Variants in SBF2 observed in about 807,000 individuals in gnomAD.
The protein encoded by SBF2 is SET binding factor 2.
Under a neutral mutation model 225.2 loss-of-function variants are expected in SBF2, and 112 were observed. The ratio of observed to expected loss-of-function variants is 0.50; its 90% CI spans 0.43 to 0.58. The LOEUF (loss-of-function observed/expected upper bound fraction) is 0.58. Ranked by LOEUF, SBF2 falls within the 20% of genes least tolerant of loss-of-function variation. The pLI, the probability that SBF2 is intolerant of heterozygous loss-of-function variation, is 0.00. For synonymous variants in SBF2, 763 were observed against 773.3 expected, an observed-to-expected ratio of 0.99 and a Z score of 0.22; for missense variants, 1,996 against 2,206.2, an observed-to-expected ratio of 0.90 and a Z score of 1.91.
Position 10,002,629 on chromosome 11 carries a change from T to C in SBF2, c.680A>G (p.His227Arg). 3 of 1,612,884 alleles carry C rather than the reference T, an allele frequency of 1.9e-6. No individual in the cohort carries two copies. The highest frequency in any genetic ancestry group is 2.5e-6 in the Non-Finnish European group (3 of 1,178,972). ...ACTAAGTCTCTGGAAACTTGCAGAA[T>C]GGAAGAGAACCTTATTTTCTGTGAG... ...AVLTENKVLF[H>R]SASFQRLSDA... The change falls in exon 7 of 40, where the codon CAT (histidine) becomes CGT (arginine). Residue 227 changes from histidine (H) to arginine (R), a missense_variant. Physicochemically the swap from His to Arg is conservative, Grantham distance 29. Transcript: ENST00000256190.
chr11:9,831,155 G>A (rs1320603222), intron 27 of SBF2, among the ~76,000 whole-genome samples: 2 of 151,942 alleles, frequency 1.3e-5, no homozygotes, highest in African/African-American at 4.8e-5. Flanking sequence ...GTGCCACCAC[G>A]CCTGGCTAAT....
At chr11:9,971,301 TTA>T (rs971662550) in intron 13 of SBF2, among the ~76,000 whole-genome samples, 3 of 151,956 alleles carry the variant, frequency 2.0e-5, no homozygotes, top group Non-Finnish European at 4.4e-5. Context: ...TTTTTTCTAG[TTA>T]TATATATATA....
chr11:10,117,651 T>A (rs999889400), intron 2 of SBF2, among the ~76,000 whole-genome samples: 1 of 152,026 alleles, frequency 6.6e-6, no homozygotes, highest in Non-Finnish European at 1.5e-5. Context: ...TTAGGTGTGA[T>A]TATTGGGAGC....
chr11:10,130,026 A>G (rs2135091438), intron 2 of SBF2, among the ~76,000 whole-genome samples: 1 of 152,074 alleles, frequency 6.6e-6, no homozygotes, highest in African/African-American at 2.4e-5. Context: ...ATTAAAAAAG[A>G]AAAAACCAAA....
upstream of SBF2, among the ~76,000 whole-genome samples, chr11:10,299,131 G>A (rs113526147): frequency 1.2e-3 from 185 of 152,226 alleles, 1 homozygote; most frequent in Middle Eastern, 6.8e-3. Context: ...GAGGTCAGCA[G>A]ATCGAGATCA....
chr11:9,854,024 A>G (rs371401283), intron 19 of SBF2, among the ~76,000 whole-genome samples: 1 of 152,192 alleles, frequency 6.6e-6, no homozygotes, highest in African/African-American at 2.4e-5. Flanking sequence ...AAATAAAGCA[A>G]AAGAGGATTT....
chr11:10,179,599 C>T (rs1165302457), intron 2 of SBF2, among the ~76,000 whole-genome samples: 2 of 152,066 alleles, frequency 1.3e-5, no homozygotes, highest in East Asian at 3.9e-4. Context: ...CTCGATCTGT[C>T]CAATGCTGAA....
At chr11:10,059,860 C>A (rs967325351) in intron 2 of SBF2, among the ~76,000 whole-genome samples, 1 of 152,104 alleles carries the variant, frequency 6.6e-6, no homozygotes, top group Admixed American at 6.5e-5. Context: ...ATACCAGAAT[C>A]TCTGGGACAC....
intron 6 of SBF2, among the ~76,000 whole-genome samples, chr11:10,017,267 T>A (rs1948691431): frequency 6.6e-6 from 1 of 152,242 alleles, no homozygotes; most frequent in South Asian, 2.1e-4. Flanking sequence ...AATAGAAGAC[T>A]ATGTCTCAGC....
At chr11:9,809,058 C>CAG in intron 30 of SBF2, 56 bp from the exon 31 acceptor site, 1 of 1,326,936 alleles carries the variant, frequency 7.5e-7, no homozygotes, top group Non-Finnish European at 1.1e-6. Flanking sequence ...GTGCAGAAGT[C>CAG]AGAGAGAGTT....
At chr11:9,888,557 G>A (rs1462771251) in intron 17 of SBF2, among the ~76,000 whole-genome samples, 1 of 151,672 alleles carries the variant, frequency 6.6e-6, no homozygotes, top group Non-Finnish European at 1.5e-5. Context: ...ATAATACTAT[G>A]TAACGATTAA....
Position 9,842,687 on chromosome 11 carries a change from GTCT to G in SBF2, c.3191_3193del (p.Lys1064del). On this transcript the variant is annotated inframe_deletion, in exon 25 of 40. Coordinates refer to ENST00000256190, the MANE Select transcript of SBF2 (RefSeq NM_030962.4). ...TACTCTTTCTTCCACAATTGTCCCT[GTCT>G]TCTTCTTCAGTAAATATTGCCGCCC... The G allele has an allele frequency of 1.2e-6, 2 of 1,613,942 alleles. No homozygotes were observed. The highest frequency in any genetic ancestry group is 1.7e-5 in the Admixed American group (1 of 60,006).
At chr11:10,113,798 TA>T (rs56742374) in intron 2 of SBF2, among the ~76,000 whole-genome samples, 4,826 of 143,904 alleles carry the variant, frequency 0.034, 281 homozygotes, top group East Asian at 0.17. Flanking sequence ...ACATGCAGTT[TA>T]AAAAAAAAAA....
chr11:9,856,594 C>G lies in SBF2; in HGVS notation c.2227G>C (p.Val743Leu). The G allele has an allele frequency of 1.9e-6, 3 of 1,614,128 alleles. No individual in the cohort carries two copies. The highest frequency in any genetic ancestry group is 1.1e-5 in the South Asian group (1 of 91,076). The change falls in exon 19 of 40, where the codon GTC (valine) becomes CTC (leucine). Residue 743 changes from valine (V) to leucine (L), a missense_variant. By Grantham distance (32) the Val-to-Leu change is conservative. Coordinates refer to ENST00000256190, the MANE Select transcript of SBF2 (RefSeq NM_030962.4). ...GCAAAGTGAATGGCCTGACTAAAGACAGTGCTTTCCTCATGTTGCACTAGC... is the reference window on the plus strand; with the variant it reads ...GCAAAGTGAATGGCCTGACTAAAGAGAGTGCTTTCCTCATGTTGCACTAGC... ...QELVQHEEST[V>L]FSQAIHFANL...
intron 1 of SBF2, among the ~76,000 whole-genome samples, chr11:10,288,753 G>A (rs1963961291): frequency 6.6e-6 from 1 of 152,152 alleles, no homozygotes; most frequent in Non-Finnish European, 1.5e-5. Flanking sequence ...CTCTGTAACT[G>A]GTTGTCCCAT....
intron 16 of SBF2, among the ~76,000 whole-genome samples, chr11:9,935,257 G>A (rs1328281104): frequency 6.6e-6 from 1 of 152,050 alleles, no homozygotes; most frequent in Non-Finnish European, 1.5e-5. Flanking sequence ...GGGATGTGAA[G>A]GACCTCTTCA....
At chr11:10,292,678 CAAAA>C (rs5789633) in intron 1 of SBF2, among the ~76,000 whole-genome samples, 2 of 85,822 alleles carry the variant, frequency 2.3e-5, no homozygotes, top group Non-Finnish European at 2.3e-5. Context: ...AACTCCGTCT[CAAAA>C]AAAAAAAAAA....
intron 1 of SBF2, among the ~76,000 whole-genome samples, chr11:10,285,442 T>G (rs1426351412): frequency 6.6e-6 from 1 of 151,452 alleles, no homozygotes; most frequent in East Asian, 1.9e-4. Flanking sequence ...TAGGACCTGG[T>G]GGCAGGGAAC....
chr11:10,258,081 TACACACAC>T (rs57653852), intron 1 of SBF2, among the ~76,000 whole-genome samples: 31 of 138,958 alleles, frequency 2.2e-4, no homozygotes, highest in African/African-American at 4.3e-4. Flanking sequence ...TACACACACA[TACACACAC>T]ACACACACAC....
Sources: gnomAD v4.1 joint callset for allele counts (sites outside exome capture counted in the v4.1 genomes callset) on GRCh38, gnomAD v4.1.1 for gene constraint, MANE v1.5 for transcripts, NCBI Gene and HGNC (gene_info 2026-07-23, HGNC 2026-07-21) for gene names.